The following PDE8B variants were observed in gnomAD, a reference collection of about 807,000 sequenced individuals.
The protein encoded by PDE8B is high affinity cAMP-specific and IBMX-insensitive 3',5'-cyclic phosphodiesterase 8B.
A neutral mutation model predicts 101.3 loss-of-function variants in PDE8B; 26 were observed. The ratio of observed to expected loss-of-function variants is 0.26; its 90% CI spans 0.19 to 0.36. The LOEUF is 0.36. Ranked by LOEUF, PDE8B falls within the 10% of genes least tolerant of loss-of-function variation. PDE8B has a pLI of 1.00. For synonymous variants in PDE8B, 424 were observed against 429.3 expected (o/e 0.99, Z 0.15); for missense variants, 810 against 1,163.1 (o/e 0.70, Z 4.42).
In PDE8B at chr5:77,277,352, C is replaced by T. The variant is rs990573150; in HGVS notation, c.340-34642C>T. Among the ~76,000 whole-genome samples, 3 of 152,110 alleles carry T rather than the reference C, an allele frequency of 2.0e-5. No homozygotes were observed. In the East Asian group the frequency reaches 5.8e-4, roughly 29 times the overall value. The stretch of plus-strand genomic sequence containing the variant: ...ATCTATGACTGGGGTTGTCAGAATG[C>T]AAAAATTCAAATCATCTTCCACATA... On this transcript the variant is annotated intron_variant, in intron 1 of 21. Transcript: ENST00000264917.
At chr5:77,318,584 G>A (rs1003586657) in intron 2 of PDE8B, among the ~76,000 whole-genome samples, 11 of 152,284 alleles carry the variant, frequency 7.2e-5, no homozygotes, top group Non-Finnish European at 1.3e-4. Flanking sequence ...GAGTGAGACA[G>A]TATGTTTCTA....
At chr5:77,100,371 G>A in the PDE8B span, 1 of 152,204 alleles carries the variant, frequency 6.6e-6, no homozygotes, top group Non-Finnish European at 1.5e-5. Context: ...GAGACACAAT[G>A]AGAAATGCTT....
intron 2 of PDE8B, 38 bp from the exon 3 acceptor site, chr5:77,325,501 A>G (rs766187664): frequency 1.3e-6 from 2 of 1,585,000 alleles, no homozygotes; most frequent in East Asian, 4.5e-5. Context: ...TCTATGGATG[A>G]TGATTTATTT....
chr5:77,194,037 G>A, the PDE8B span, among the ~76,000 whole-genome samples: 1 of 152,100 alleles, frequency 6.6e-6, no homozygotes, highest in Non-Finnish European at 1.5e-5. Context: ...TGTTTTCATA[G>A]CCTTTAGCAT....
chr5:77,262,995 C>A (rs75022783), intron 1 of PDE8B, among the ~76,000 whole-genome samples: 2,703 of 152,278 alleles, frequency 0.018, 69 homozygotes, highest in African/African-American at 0.062. Flanking sequence ...TTTTAAAATG[C>A]TTTCCTGGAA....
rs16874261 is a variant in PDE8B, at chr5:77,427,010, A to G, written c.*456A>G. 9,311 of 182,122 alleles carry G rather than the reference A, an allele frequency of 0.051. 880 individuals are homozygous for G. The highest frequency in any genetic ancestry group is 0.2 in the African/African-American group (8,566 of 41,814). 11.3% of individuals were successfully genotyped at this position (182,122 alleles called of 1,614,324 possible). The stretch of plus-strand genomic sequence containing the variant: ...AAGAACATCGATCTGAAGGATTCAT[A>G]AGGAGCTTATCTGAACAGATTTATC... On this transcript the variant is annotated 3_prime_UTR_variant, in exon 22 of 22. Coordinates refer to ENST00000264917, the MANE Select transcript of PDE8B (RefSeq NM_003719.5).
At chr5:77,219,224 C>T (rs189376110) in intron 1 of PDE8B, among the ~76,000 whole-genome samples, 15 of 152,234 alleles carry the variant, frequency 9.9e-5, no homozygotes, top group Middle Eastern at 3.4e-3. Context: ...TGCATGAGCT[C>T]GGTTGGTTTT....
At chr5:77,413,600 C>T (rs1268782955) in intron 17 of PDE8B, among the ~76,000 whole-genome samples, 2 of 152,020 alleles carry the variant, frequency 1.3e-5, no homozygotes, top group Non-Finnish European at 2.9e-5. Flanking sequence ...AGCTGTGTTA[C>T]GGGGTTGCAG....
chr5:77,198,014 T>C, the PDE8B span, among the ~76,000 whole-genome samples: 1 of 152,180 alleles, frequency 6.6e-6, no homozygotes. Context: ...TCTTGGGATA[T>C]CTAGTGATTT....
intron 3 of PDE8B, 50 bp from the exon 4 acceptor site, chr5:77,328,948 T>C (rs763592439): frequency 1.4e-6 from 2 of 1,416,106 alleles, no homozygotes; most frequent in Non-Finnish European, 2.0e-6. Context: ...ATTCATTTAA[T>C]GTAACAAAGC....
At chr5:77,340,841 T>C (rs1488597401) in intron 6 of PDE8B, among the ~76,000 whole-genome samples, 1 of 152,080 alleles carries the variant, frequency 6.6e-6, no homozygotes, top group Non-Finnish European at 1.5e-5. Flanking sequence ...AGCACTATAT[T>C]ATTTATAGAC....
At chr5:77,327,496 T>C (rs957722425) in intron 3 of PDE8B, among the ~76,000 whole-genome samples, 5 of 152,152 alleles carry the variant, frequency 3.3e-5, no homozygotes, top group African/African-American at 1.2e-4. Flanking sequence ...AGCCCAGCAG[T>C]GTGTCCATGA....
rs934735268 is a variant in PDE8B at position 77,387,326 on chromosome 5, C to T, written c.1168-12922C>T. On this transcript the variant is annotated intron_variant, in intron 10 of 21. Transcript: ENST00000264917. ...TTTTATTTCTCCTTCACTTATGAAG[C>T]TTAGTTTGGCTGGACATGAAATTCT... 2.2e-4 allele frequency among the ~76,000 whole-genome samples: 33 copies of T among 152,118 alleles called. 1 individual carries two copies. Among genetic ancestry groups the T allele is most frequent in the Admixed American group, 6.6e-5 (1 of 15,266 alleles).
At chr5:77,376,469 T>C (rs1304013674) in intron 10 of PDE8B, among the ~76,000 whole-genome samples, 1 of 152,210 alleles carries the variant, frequency 6.6e-6, no homozygotes, top group Non-Finnish European at 1.5e-5. Context: ...AATAATTTCA[T>C]TGTGACAGCA....
the PDE8B span, among the ~76,000 whole-genome samples, chr5:77,192,702 G>T: frequency 6.6e-6 from 1 of 152,162 alleles, no homozygotes; most frequent in African/African-American, 2.4e-5. Context: ...GCCTAGAAAT[G>T]AAATTCCACC....
the PDE8B span, among the ~76,000 whole-genome samples, chr5:77,181,995 A>G: frequency 0.26 from 39,534 of 151,806 alleles, 7,136 homozygotes; most frequent in East Asian, 0.82. Flanking sequence ...CGGTTTTCCA[A>G]GAAGCAAAAA....
intron 5 of PDE8B, among the ~76,000 whole-genome samples, chr5:77,334,187 G>A (rs1382240416): frequency 6.6e-6 from 1 of 152,208 alleles, no homozygotes; most frequent in Admixed American, 6.5e-5. Flanking sequence ...CCATCTCTGA[G>A]CTGGTTTGAT....
chr5:77,264,283 TA>T (rs1225089517), intron 1 of PDE8B, among the ~76,000 whole-genome samples: 7 of 152,258 alleles, frequency 4.6e-5, no homozygotes, highest in African/African-American at 1.7e-4. Flanking sequence ...GGTATGTACC[TA>T]GGGGTGAAAT....
intron 3 of PDE8B, among the ~76,000 whole-genome samples, chr5:77,328,485 T>C (rs1026650020): frequency 6.6e-6 from 1 of 150,924 alleles, no homozygotes; most frequent in Non-Finnish European, 1.5e-5. Context: ...GACTGAAAAA[T>C]TGAGGTGGCT....
Sources: allele counts gnomAD v4.1 joint callset (sites outside exome capture counted in the v4.1 genomes callset), GRCh38; gene constraint gnomAD v4.1.1; transcripts MANE v1.5; gene names NCBI Gene and HGNC (gene_info 2026-07-23, HGNC 2026-07-21).